DNAH11: variants seen among roughly 807,000 people sequenced by gnomAD.
DNAH11 encodes dynein axonemal heavy chain 11.
Under a neutral mutation model 526.0 loss-of-function variants are expected in DNAH11, and 442 were observed. The ratio of observed to expected loss-of-function variants is 0.84; its 90% CI spans 0.78 to 0.91. DNAH11 has a LOEUF of 0.91. Ranked by LOEUF, DNAH11 falls within the 40% of genes least tolerant of loss-of-function variation. The pLI is 0.00. For missense variants in DNAH11, 6,989 were observed against 5,448.7 expected (o/e 1.28, Z -8.90); for synonymous variants, 2,461 against 1,935.9 (o/e 1.27, Z -7.12).
At chr7:21,631,910 C>T (rs6970825) in intron 25 of DNAH11, among the ~76,000 whole-genome samples, 6,991 of 152,304 alleles carry the variant, frequency 0.046, 549 homozygotes, top group African/African-American at 0.16. Flanking sequence ...TCTGATCCCA[C>T]ATTTCCCTTC....
Position 21,707,847 on chromosome 7 carries a change from C to T in DNAH11, c.6683+12C>T. The stretch of plus-strand genomic sequence containing the variant: ...TGGAAAGATGGCAAGTAGTATTTCC[C>T]CTTTAGAAGTGCTCAATTTTTTTTT... On this transcript the variant is annotated intron_variant, in intron 40 of 81. Transcript: ENST00000409508. 6.4e-7 allele frequency: 1 copy of T among 1,556,752 alleles called. No homozygotes were observed. The highest frequency in any genetic ancestry group is 8.7e-7 in the Non-Finnish European group (1 of 1,153,850).
chr7:21,815,237 G>A (rs1789728921), intron 63 of DNAH11, among the ~76,000 whole-genome samples: 1 of 152,134 alleles, frequency 6.6e-6, no homozygotes, highest in African/African-American at 2.4e-5. Flanking sequence ...TCAGCTGTTT[G>A]TATTAAGTAG....
chr7:21,687,612 C>A, intron 34 of DNAH11, 85 bp downstream of exon 34: 1 of 1,447,470 alleles, frequency 6.9e-7, no homozygotes, highest in Non-Finnish European at 9.4e-7. Flanking sequence ...TCTATTGCTA[C>A]CTCTCCCTGT....
intron 35 of DNAH11, among the ~76,000 whole-genome samples, chr7:21,694,806 A>G (rs1284498755): frequency 6.6e-6 from 1 of 152,056 alleles, no homozygotes; most frequent in Non-Finnish European, 1.5e-5. Flanking sequence ...ACCACTTTAC[A>G]CTCCCACCAA....
chr7:21,765,263 C>T (rs573521704), intron 54 of DNAH11, among the ~76,000 whole-genome samples, 165 bp from the exon 55 acceptor site: 1 of 152,312 alleles, frequency 6.6e-6, no homozygotes, highest in East Asian at 1.9e-4. Flanking sequence ...CAGGTTTCCA[C>T]TTTGATTAGC....
intron 81 of DNAH11, among the ~76,000 whole-genome samples, chr7:21,900,381 G>GACTT (rs1784729331): frequency 9.9e-6 from 1 of 101,466 alleles, no homozygotes; most frequent in African/African-American, 3.0e-5. Context: ...AACATCATTA[G>GACTT]ACTTAGACTG....
At chr7:21,873,581 C>A in intron 74 of DNAH11, 80 bp downstream of exon 74, 2 of 1,391,670 alleles carry the variant, frequency 1.4e-6, no homozygotes, top group Admixed American at 1.8e-5. Context: ...TCAACCCAGG[C>A]ATGTCATTGA....
At chr7:21,769,603 G>C (rs2127976477) in intron 55 of DNAH11, among the ~76,000 whole-genome samples, 1 of 152,078 alleles carries the variant, frequency 6.6e-6, no homozygotes, top group African/African-American at 2.4e-5. Flanking sequence ...TCCTGCCTCA[G>C]CCTCCTGAGT....
intron 59 of DNAH11, 114 bp from the exon 60 acceptor site, chr7:21,787,287 C>A: frequency 1.0e-6 from 1 of 975,652 alleles, no homozygotes; most frequent in South Asian, 1.8e-5. Context: ...ATAAATGCAG[C>A]TTGCCAATTT....
At position 21,861,891 on chromosome 7, in the gene DNAH11, T is replaced by C. The variant is rs1783076521; in HGVS notation, c.11241T>C (p.Ala3747=). The change falls in exon 69 of 82, where the codon GCT becomes GCC. Residue 3747 remains alanine, a synonymous_variant. Transcript: ENST00000409508. ...NVLFHRAIEQ[A]DKVEDMQGRI... ...TGTTCCACAGAGCGATCGAGCAGGC[T>C]GACAAGGTGGAAGACATGCAGGGAC... The C allele has an allele frequency of 8.1e-6, 13 of 1,613,686 alleles. No individual in the cohort carries two copies. Among genetic ancestry groups the C allele is most frequent in the Non-Finnish European group, 1.0e-5 (12 of 1,179,760 alleles).
chr7:21,762,109 C>T (rs141304671), intron 54 of DNAH11, among the ~76,000 whole-genome samples: 2 of 152,190 alleles, frequency 1.3e-5, no homozygotes, highest in Non-Finnish European at 2.9e-5. Flanking sequence ...ATGGGGGAAA[C>T]CACCCCCATG....
chr7:21,726,096 C>T, intron 45 of DNAH11, 112 bp downstream of exon 45: 1 of 1,082,084 alleles, frequency 9.2e-7, no homozygotes, highest in Non-Finnish European at 1.3e-6. Flanking sequence ...CATGATTCCA[C>T]AGGCTGCCCA....
At chr7:21,679,004 G>A (rs1783030023) in intron 30 of DNAH11, among the ~76,000 whole-genome samples, 2 of 151,038 alleles carry the variant, frequency 1.3e-5, no homozygotes, top group South Asian at 4.2e-4. Context: ...GATGGATAAA[G>A]AAAATGTGTA....
At chr7:21,732,376 C>T (rs982946258) in intron 45 of DNAH11, among the ~76,000 whole-genome samples, 1 of 152,132 alleles carries the variant, frequency 6.6e-6, no homozygotes, top group Non-Finnish European at 1.5e-5. Flanking sequence ...TTCATTTTAA[C>T]TTAATCACCT....
chr7:21,816,051 GA>G (rs1357041659), intron 63 of DNAH11, among the ~76,000 whole-genome samples: 2 of 151,872 alleles, frequency 1.3e-5, no homozygotes, highest in Non-Finnish European at 2.9e-5. Context: ...CTGGTCTGTA[GA>G]AAAAAAATGA....
rs537751378 is a variant in DNAH11, at chr7:21,709,098, A to C, written c.6683+1263A>C. 2.0e-5 allele frequency among the ~76,000 whole-genome samples: 3 copies of C among 152,308 alleles called. No homozygotes were observed. The East Asian group carries it at 5.8e-4, about 29-fold the overall frequency. The stretch of plus-strand genomic sequence containing the variant: ...TGGGTATATACCTAAAGGAAAACAA[A>C]TTGTTCTACCAAAAAGACACATTCA... On this transcript the variant is annotated intron_variant, in intron 40 of 81. Transcript: ENST00000409508.
intron 25 of DNAH11, among the ~76,000 whole-genome samples, chr7:21,622,266 T>A (rs535005211): frequency 2.0e-5 from 3 of 152,102 alleles, no homozygotes; most frequent in African/African-American, 7.2e-5. Context: ...TTACAAGGGA[T>A]GTGAAGGACC....
intron 48 of DNAH11, among the ~76,000 whole-genome samples, chr7:21,741,332 T>A (rs1450450884): frequency 6.6e-6 from 1 of 152,252 alleles, no homozygotes; most frequent in Non-Finnish European, 1.5e-5. Context: ...GCATCACAGC[T>A]TGTTTATCCA....
At chr7:21,595,839 G>C (rs1784839901) in intron 14 of DNAH11, among the ~76,000 whole-genome samples, 1 of 151,784 alleles carries the variant, frequency 6.6e-6, no homozygotes, top group Non-Finnish European at 1.5e-5. Flanking sequence ...AGAAAATCAA[G>C]GACTGTTGGC....
Sources: gnomAD v4.1 joint callset for allele counts (sites outside exome capture counted in the v4.1 genomes callset) on GRCh38, gnomAD v4.1.1 for gene constraint, MANE v1.5 for transcripts, NCBI Gene and HGNC (gene_info 2026-07-23, HGNC 2026-07-21) for gene names.